ATP2C1: variants seen among roughly 807,000 people sequenced by gnomAD.
ATP2C1 encodes calcium-transporting ATPase type 2C member 1.
ATP2C1 carries 31 observed loss-of-function variants against 120.5 expected under a neutral mutation model. The observed-to-expected ratio is 0.26, with a 90% CI of 0.19 to 0.35. The LOEUF is 0.35. Among genes scored for constraint, ATP2C1 ranks in the 10% least tolerant of loss-of-function variants. The pLI is 1.00. For synonymous variants in ATP2C1, 351 were observed against 358.7 expected, an observed-to-expected ratio of 0.98 and a Z score of 0.24; for missense variants, 731 against 1,107.5, an observed-to-expected ratio of 0.66 and a Z score of 4.83.
intron 2 of ATP2C1, among the ~76,000 whole-genome samples, chr3:130,923,165 G>A (rs184854269): frequency 6.6e-6 from 1 of 151,660 alleles, no homozygotes; most frequent in Non-Finnish European, 1.5e-5. Context: ...TATATATTTA[G>A]GATTGCCACA....
chr3:130,906,674 T>TG (rs1458847184), intron 2 of ATP2C1, among the ~76,000 whole-genome samples: 1 of 136,898 alleles, frequency 7.3e-6, no homozygotes, highest in Non-Finnish European at 1.6e-5. Flanking sequence ...AACATTTTGC[T>TG]GTTTTTTTTT....
Position 130,919,410 on chromosome 3 carries a change from G to A in ATP2C1, c.7-11006G>A, listed in dbSNP as rs115109875. ...CAGCTAATTTTTATAGTAGAGAAGG[G>A]GTTTTACCATGTTAACCAGGCTGTT... On this transcript the variant is annotated intron_variant, in intron 2 of 27. Coordinates refer to ENST00000510168, the MANE Select transcript of ATP2C1 (RefSeq NM_001378687.1). 4.2e-3 allele frequency among the ~76,000 whole-genome samples: 631 copies of A among 151,696 alleles called. 5 individuals carry two copies. The highest frequency in any genetic ancestry group is 0.014 in the African/African-American group (584 of 41,344).
intron 1 of ATP2C1, among the ~76,000 whole-genome samples, chr3:130,873,603 T>C (rs1349752975): frequency 6.6e-6 from 1 of 152,192 alleles, no homozygotes; most frequent in East Asian, 1.9e-4. Flanking sequence ...GGAAAAAATA[T>C]AAGTTTTTTA....
chr3:130,881,332 TTTC>T (rs991670929), intron 1 of ATP2C1, among the ~76,000 whole-genome samples: 9 of 150,666 alleles, frequency 6.0e-5, no homozygotes, highest in African/African-American at 7.3e-5. Context: ...TCCTTTTCTT[TTTC>T]TTCTTCTTCT....
At chr3:130,978,982 T>C (rs926678279) in intron 18 of ATP2C1, among the ~76,000 whole-genome samples, 1 of 152,196 alleles carries the variant, frequency 6.6e-6, no homozygotes, top group Non-Finnish European at 1.5e-5. Context: ...TATGTGAAAA[T>C]ATTGTTCATT....
chr3:130,989,521 C>T (rs1429088583), intron 20 of ATP2C1, among the ~76,000 whole-genome samples: 4 of 147,280 alleles, frequency 2.7e-5, no homozygotes, highest in African/African-American at 1.0e-4. Context: ...GCCGAGATTG[C>T]GCCATTGCAC....
intron 23 of ATP2C1, 120 bp from the exon 24 acceptor site, chr3:130,996,560 T>G: frequency 1.3e-6 from 1 of 769,406 alleles, no homozygotes. Context: ...AATAGTTTAC[T>G]TGAAACAGTC....
chr3:130,875,644 G>T (rs909155295), intron 1 of ATP2C1, among the ~76,000 whole-genome samples: 2 of 152,038 alleles, frequency 1.3e-5, no homozygotes, highest in Non-Finnish European at 2.9e-5. Flanking sequence ...ATAGGTACCC[G>T]GTAGTGCTGA....
In ATP2C1 at chr3:130,980,693, A is replaced by G. The variant is rs762967177; in HGVS notation, c.1839+14A>G. 6.3e-7 allele frequency: 1 copy of G among 1,595,026 alleles called. No individual in the cohort carries two copies. Among genetic ancestry groups the G allele is most frequent in the East Asian group, 2.2e-5 (1 of 44,658 alleles). ...ATAGTACCAAAGGTAGGCCTAAACTAAAGCCTTTTGGACTGAAAGGCCTTA... is the reference window on the plus strand; with the variant it reads ...ATAGTACCAAAGGTAGGCCTAAACTGAAGCCTTTTGGACTGAAAGGCCTTA... On this transcript the variant is annotated intron_variant, in intron 20 of 27. Coordinates refer to ENST00000510168, the MANE Select transcript of ATP2C1 (RefSeq NM_001378687.1).
Position 130,953,842 on chromosome 3 carries a change from GAGTCC to G in ATP2C1, c.556_560del (p.Ser186LeufsTer4). On this transcript the variant is annotated frameshift_variant, in exon 9 of 28. Coordinates refer to ENST00000510168, the MANE Select transcript of ATP2C1 (RefSeq NM_001378687.1). LOFTEE classifies it high-confidence loss of function. ...TAAGGCTGTGGATCTTTCCATTGATGAGTCCAGCTTGACAGGTGAGACAACGCCTT... is the reference window on the plus strand; with the variant it reads ...TAAGGCTGTGGATCTTTCCATTGATGAGCTTGACAGGTGAGACAACGCCTT... 1 of 1,613,984 alleles carries G rather than the reference GAGTCC, an allele frequency of 6.2e-7. No individual in the cohort carries two copies. Among genetic ancestry groups the G allele is most frequent in the Non-Finnish European group, 8.5e-7 (1 of 1,179,922 alleles).
intron 26 of ATP2C1, 35 bp from the exon 27 acceptor site, chr3:130,999,483 A>G (rs2062788419): frequency 6.2e-7 from 1 of 1,611,014 alleles, no homozygotes; most frequent in African/African-American, 1.3e-5. Flanking sequence ...TCTGTGACCA[A>G]GGAGTAATAA....
intron 2 of ATP2C1, chr3:130,918,967 G>A (rs2058814636): frequency 2.6e-6 from 1 of 383,594 alleles, no homozygotes; most frequent in Non-Finnish European, 5.0e-6. Context: ...ACTCCAGCCT[G>A]GGCAACAGAG....
chr3:130,928,325 G>A (rs1252691082), intron 2 of ATP2C1: 4 of 152,122 alleles, frequency 2.6e-5, no homozygotes, highest in Non-Finnish European at 5.9e-5. Context: ...TGCCCCTTTA[G>A]TGTTTTATTG....
chr3:130,975,680 A>G (rs2061505042), intron 18 of ATP2C1, among the ~76,000 whole-genome samples, 192 bp downstream of exon 18: 1 of 152,224 alleles, frequency 6.6e-6, no homozygotes, highest in African/African-American at 2.4e-5. Flanking sequence ...ATGTAGCAAA[A>G]TATGAATCAC....
chr3:130,874,865 G>A (rs1307302989), intron 1 of ATP2C1, among the ~76,000 whole-genome samples: 1 of 152,156 alleles, frequency 6.6e-6, no homozygotes, highest in East Asian at 1.9e-4. Context: ...AGGACTCGCC[G>A]GAGTGTGAGA....
At chr3:130,867,525 C>T (rs868570264) in intron 1 of ATP2C1, among the ~76,000 whole-genome samples, 7,222 of 147,804 alleles carry the variant, frequency 0.049, 482 homozygotes, top group African/African-American at 0.17. Context: ...CTCCTAACCG[C>T]GAGTGATCCG....
At chr3:130,875,461 T>G (rs188754914) in intron 1 of ATP2C1, among the ~76,000 whole-genome samples, 1 of 152,232 alleles carries the variant, frequency 6.6e-6, no homozygotes, top group Non-Finnish European at 1.5e-5. Flanking sequence ...AGGACTTAAT[T>G]CTTATTTATA....
Position 130,953,844 on chromosome 3 carries a change from G to A in ATP2C1, c.555G>A (p.Glu185=), listed in dbSNP as rs768993160. The part of the protein sequence containing the change: ...LFEAVDLSID[E]SSLTGETTPC... ...AGGCTGTGGATCTTTCCATTGATGAGTCCAGCTTGACAGGTGAGACAACGC... is the reference window on the plus strand; with the variant it reads ...AGGCTGTGGATCTTTCCATTGATGAATCCAGCTTGACAGGTGAGACAACGC... Residue 185 remains glutamate, a synonymous_variant, in exon 9 of 28, where the codon GAG becomes GAA. Coordinates refer to ENST00000510168, the MANE Select transcript of ATP2C1 (RefSeq NM_001378687.1). 4 of 1,614,012 alleles carry A rather than the reference G, an allele frequency of 2.5e-6. No homozygotes were observed. The highest frequency in any genetic ancestry group is 1.7e-5 in the Admixed American group (1 of 59,992).
intron 2 of ATP2C1, among the ~76,000 whole-genome samples, chr3:130,926,512 A>G (rs2059213446): frequency 6.6e-6 from 1 of 152,250 alleles, no homozygotes; most frequent in Admixed American, 6.5e-5. Flanking sequence ...AGATCGTTTT[A>G]ACTGCTCTGG....
Sources: allele counts gnomAD v4.1 joint callset (sites outside exome capture counted in the v4.1 genomes callset), GRCh38; gene constraint gnomAD v4.1.1; transcripts MANE v1.5; gene names NCBI Gene and HGNC (gene_info 2026-07-23, HGNC 2026-07-21).